NSUN4: variants seen among roughly 807,000 people sequenced by gnomAD.
NSUN4 encodes the protein NOP2/Sun RNA methyltransferase 4, also known as 5-cytosine rRNA methyltransferase NSUN4.
NSUN4 carries 31 observed loss-of-function variants against 43.8 expected under a neutral mutation model. The observed-to-expected ratio is 0.71, with a 90% CI of 0.53 to 0.96. The LOEUF (loss-of-function observed/expected upper bound fraction) is 0.96, where lower values mean the gene tolerates loss of function less well. Ranked by LOEUF, NSUN4 falls within the 40% of genes least tolerant of loss-of-function variation. The pLI is 0.00. For synonymous variants in NSUN4, 167 were observed against 184.1 expected (o/e 0.91, Z 0.75); for missense variants, 439 against 475.6 (o/e 0.92, Z 0.72).
At chr1:46,341,421 C>T in intron 1 of NSUN4, 1 of 1,006,234 alleles carries the variant, frequency 9.9e-7, no homozygotes, top group East Asian at 1.0e-4. Context: ...CTTCCTCAAC[C>T]TCGAGCTGCC....
rs116646915 is a variant in NSUN4 at position 46,352,831 on chromosome 1, T to C, written c.593-37T>C. On this transcript the variant is annotated intron_variant, in intron 3 of 5. Transcript: ENST00000474844. ...GCGCCATTGCTGGTGGAATGTTTCA[T>C]TGGGTCATGGCCTCTGAAGTATCTT... 2,874 of 1,601,256 alleles carry C rather than the reference T, an allele frequency of 1.8e-3. 9 individuals are homozygous for C. The highest frequency in any genetic ancestry group is 0.011 in the African/African-American group (812 of 74,824).
chr1:46,357,946 G>T (rs1024719769), intron 4 of NSUN4, among the ~76,000 whole-genome samples: 1 of 152,000 alleles, frequency 6.6e-6, no homozygotes, highest in East Asian at 1.9e-4. Flanking sequence ...AGACAGTCTC[G>T]CTCTGTTGTC....
the NSUN4 span, among the ~76,000 whole-genome samples, chr1:46,371,279 C>T: frequency 6.6e-6 from 1 of 151,474 alleles, no homozygotes. Flanking sequence ...AGGTGCCTGT[C>T]ACCACGCCTG....
intron 3 of NSUN4, among the ~76,000 whole-genome samples, chr1:46,348,679 C>T (rs1450639864): frequency 3.7e-5 from 5 of 136,490 alleles, no homozygotes; most frequent in Admixed American, 8.0e-5. Context: ...ATTGCACTTC[C>T]GCTTGGGCAA....
chr1:46,381,126 A>G, the NSUN4 span, among the ~76,000 whole-genome samples: 1 of 150,908 alleles, frequency 6.6e-6, no homozygotes, highest in Non-Finnish European at 1.5e-5. Flanking sequence ...TCCCCCAAAG[A>G]CTCTCCCCAA....
At chr1:46,345,725 A>G (rs1662440932) in intron 2 of NSUN4, among the ~76,000 whole-genome samples, 1 of 152,218 alleles carries the variant, frequency 6.6e-6, no homozygotes, top group African/African-American at 2.4e-5. Flanking sequence ...TCTTGATTCA[A>G]TCCTCATGTA....
intron 3 of NSUN4, among the ~76,000 whole-genome samples, chr1:46,349,122 G>A (rs1662775433): frequency 1.4e-5 from 2 of 142,476 alleles, no homozygotes; most frequent in South Asian, 2.4e-4. Flanking sequence ...CTTGTGCACT[G>A]TTTTTTTTGG....
the NSUN4 span, among the ~76,000 whole-genome samples, chr1:46,380,099 T>C: frequency 6.6e-6 from 1 of 152,046 alleles, no homozygotes; most frequent in Non-Finnish European, 1.5e-5. Flanking sequence ...CATTTACTGC[T>C]CCCATCCCTG....
In NSUN4 at chr1:46,340,903, GA is replaced by G. The variant is rs1662046312; in HGVS notation, c.78del (p.Tyr27IlefsTer24). Reference sequence around the variant, plus strand: ...CTCGCGACGGTCCCGCGGAGACATCGATATAAGAAGAAATGGGTAAGGTCCG... The same window carrying G: ...CTCGCGACGGTCCCGCGGAGACATCGTATAAGAAGAAATGGGTAAGGTCCG... Reference protein sequence around the residue: ...VDLATVPRRHRYKKKWAATEP... With the variant: ...VDLATVPRRHXYKKKWAATEP... On this transcript the variant is annotated frameshift_variant, in exon 1 of 6. Coordinates refer to ENST00000474844, the MANE Select transcript of NSUN4 (RefSeq NM_199044.4). LOFTEE classifies it high-confidence loss of function. 2 of 1,613,102 alleles carry G rather than the reference GA, an allele frequency of 1.2e-6. No individual in the cohort carries two copies. Among genetic ancestry groups the G allele is most frequent in the Non-Finnish European group, 1.7e-6 (2 of 1,179,576 alleles).
At chr1:46,340,941 A>AGGAG (rs1272188325) in intron 1 of NSUN4, 22 bp downstream of exon 1, 4 of 1,590,802 alleles carry the variant, frequency 2.5e-6, no homozygotes, top group Non-Finnish European at 3.4e-6. Flanking sequence ...CTGGGGGCGC[A>AGGAG]GGAGGGAAAA....
intron 4 of NSUN4, 85 bp downstream of exon 4, chr1:46,353,113 G>A: frequency 1.5e-6 from 2 of 1,295,572 alleles, no homozygotes; most frequent in Admixed American, 1.8e-5. Flanking sequence ...TTAGGATCCA[G>A]CCCCTATGTT....
intron 1 of NSUN4, 179 bp downstream of exon 1, chr1:46,341,098 C>T: frequency 8.3e-7 from 1 of 1,199,524 alleles, no homozygotes. Flanking sequence ...ATGTCCCGAG[C>T]GTTAGTGTCT....
chr1:46,360,026 G>A (rs184264477), intron 4 of NSUN4, among the ~76,000 whole-genome samples: 1 of 150,604 alleles, frequency 6.6e-6, no homozygotes, highest in Non-Finnish European at 1.5e-5. Flanking sequence ...TCAGGAGATC[G>A]AGACCATCCT....
chr1:46,352,767 A>G (rs959518792), intron 3 of NSUN4, 101 bp from the exon 4 acceptor site: 2 of 1,134,548 alleles, frequency 1.8e-6, no homozygotes, highest in Admixed American at 3.7e-5. Context: ...TGGGGTTTGC[A>G]TTGGCTGGGA....
At chr1:46,354,064 A>G (rs895355672) in intron 4 of NSUN4, among the ~76,000 whole-genome samples, 5 of 151,828 alleles carry the variant, frequency 3.3e-5, no homozygotes, top group Admixed American at 6.6e-5. Context: ...CTAATTTACA[A>G]TCTCTTATTA....
chr1:46,347,278 A>T (rs1281291174), intron 3 of NSUN4, among the ~76,000 whole-genome samples: 1 of 152,190 alleles, frequency 6.6e-6, no homozygotes, highest in African/African-American at 2.4e-5. Context: ...TCTCTACTAA[A>T]AATACATAAA....
chr1:46,341,806 A>G, intron 1 of NSUN4: 2 of 1,232,674 alleles, frequency 1.6e-6, no homozygotes, highest in Non-Finnish European at 2.0e-6. Context: ...CCTCTCTGTC[A>G]GCGGACACCT....
Position 46,347,050 on chromosome 1 carries a change from A to C in NSUN4, c.567A>C (p.Leu189=). ...GTGCAGCTCCTGGGGGAAAGACACT[A>C]GCGTTGCTTCAGACTGGCTGTTGCC... is the stretch of plus-strand genomic sequence containing the variant. ...DLCAAPGGKT[L]ALLQTGCCRN... Residue 189 remains leucine (L), a synonymous_variant, in exon 3 of 6, where the codon CTA becomes CTC. Coordinates refer to ENST00000474844, the MANE Select transcript of NSUN4 (RefSeq NM_199044.4). The C allele has an allele frequency of 6.2e-7, 1 of 1,614,134 alleles. No homozygotes were observed. The highest frequency in any genetic ancestry group is 2.2e-5 in the East Asian group (1 of 44,884).
the NSUN4 span, among the ~76,000 whole-genome samples, chr1:46,378,052 G>A: frequency 6.6e-6 from 1 of 151,978 alleles, no homozygotes; most frequent in Non-Finnish European, 1.5e-5. Context: ...GAGGTAGCAG[G>A]GCTTTTTAAA....
Sources: allele counts gnomAD v4.1 joint callset (sites outside exome capture counted in the v4.1 genomes callset), GRCh38; gene constraint gnomAD v4.1.1; transcripts MANE v1.5; gene names NCBI Gene and HGNC (gene_info 2026-07-23, HGNC 2026-07-21).